The following PLPP4 variants were observed in gnomAD, a reference collection of about 807,000 sequenced individuals.
The protein encoded by PLPP4 is phospholipid phosphatase 4.
A neutral mutation model predicts 32.2 loss-of-function variants in PLPP4; 20 were observed. That is an observed-to-expected ratio of 0.62 (90% CI 0.44 to 0.90). The LOEUF is 0.90. Ranked by LOEUF, PLPP4 falls within the 40% of genes least tolerant of loss-of-function variation. The pLI is 0.00. For missense variants in PLPP4, 257 were observed against 353.1 expected, an observed-to-expected ratio of 0.73 and a Z score of 2.18; for synonymous variants, 127 against 133.0, an observed-to-expected ratio of 0.95 and a Z score of 0.31.
intron 1 of PLPP4, among the ~76,000 whole-genome samples, chr10:120,475,641 G>A (rs111794809): frequency 4.6e-5 from 7 of 152,322 alleles, no homozygotes; most frequent in African/African-American, 7.2e-5. Context: ...GAGTGAGCCC[G>A]GCCTTTGGGC....
chr10:120,514,752 G>T (rs1172317487), intron 3 of PLPP4, among the ~76,000 whole-genome samples: 4 of 152,098 alleles, frequency 2.6e-5, no homozygotes, highest in Non-Finnish European at 4.4e-5. Context: ...CCTGTAGCCA[G>T]GTTTTCAGCT....
At chr10:120,542,709 G>A (rs1192521092) in intron 5 of PLPP4, among the ~76,000 whole-genome samples, 2 of 152,184 alleles carry the variant, frequency 1.3e-5, no homozygotes, top group Non-Finnish European at 2.9e-5. Context: ...TCTCAATTCC[G>A]CAGGCGCTGC....
At chr10:120,582,511 AT>A (rs1401033493) in intron 6 of PLPP4, among the ~76,000 whole-genome samples, 1 of 152,066 alleles carries the variant, frequency 6.6e-6, no homozygotes, top group African/African-American at 2.4e-5. Flanking sequence ...GTAAAACCCT[AT>A]TTCTAAATAA....
chr10:120,545,695 A>G (rs61871731), intron 5 of PLPP4, among the ~76,000 whole-genome samples: 31,092 of 152,166 alleles, frequency 0.2, 3,200 homozygotes, highest in Admixed American at 0.23. Context: ...AAGGTTGGAT[A>G]GGGGTTTGGC....
chr10:120,583,108 G>A (rs1477723653), intron 6 of PLPP4, among the ~76,000 whole-genome samples: 1 of 151,946 alleles, frequency 6.6e-6, no homozygotes, highest in Non-Finnish European at 1.5e-5. Flanking sequence ...GGGTCATGGA[G>A]CCCAAGGCAT....
chr10:120,530,916 C>T (rs1322369579), intron 5 of PLPP4, among the ~76,000 whole-genome samples: 3 of 152,036 alleles, frequency 2.0e-5, no homozygotes, highest in South Asian at 2.1e-4. Context: ...TTGCTGTGCA[C>T]CTTGTCATTT....
At chr10:120,531,695 T>C (rs1846730678) in intron 5 of PLPP4, among the ~76,000 whole-genome samples, 1 of 152,196 alleles carries the variant, frequency 6.6e-6, no homozygotes, top group African/African-American at 2.4e-5. Flanking sequence ...TTCCTTTCAC[T>C]ATCAAATTAC....
chr10:120,475,859 C>T (rs1843877108), intron 1 of PLPP4, among the ~76,000 whole-genome samples: 1 of 151,904 alleles, frequency 6.6e-6, no homozygotes, highest in Admixed American at 6.6e-5. Flanking sequence ...GATGGTAACA[C>T]TCACCTTCTT....
chr10:120,561,255 C>G (rs1848419617), intron 5 of PLPP4, among the ~76,000 whole-genome samples: 1 of 152,206 alleles, frequency 6.6e-6, no homozygotes, highest in African/African-American at 2.4e-5. Flanking sequence ...AATCCCAAGA[C>G]TGTATTATCT....
intron 6 of PLPP4, 57 bp downstream of exon 6, chr10:120,575,358 G>A: frequency 6.4e-7 from 1 of 1,557,866 alleles, no homozygotes; most frequent in Non-Finnish European, 8.8e-7. Flanking sequence ...TCTCCTCCAG[G>A]GATGGGTGTA....
intron 1 of PLPP4, among the ~76,000 whole-genome samples, chr10:120,482,687 G>A (rs553893754): frequency 9.2e-5 from 14 of 152,064 alleles, no homozygotes; most frequent in Admixed American, 2.0e-4. Context: ...GGCAGATCAC[G>A]AGGTCAGGAG....
chr10:120,537,218 T>C (rs1847072893), intron 5 of PLPP4, among the ~76,000 whole-genome samples: 1 of 152,208 alleles, frequency 6.6e-6, no homozygotes, highest in Non-Finnish European at 1.5e-5. Flanking sequence ...GAAATCAGTA[T>C]GTCAAAGAGA....
At chr10:120,575,689 G>A (rs1260568718) in intron 6 of PLPP4, among the ~76,000 whole-genome samples, 1 of 152,106 alleles carries the variant, frequency 6.6e-6, no homozygotes, top group East Asian at 1.9e-4. Context: ...CAGCCTACAA[G>A]GACGTATTTG....
In PLPP4 at chr10:120,520,952, T is replaced by C. The variant is rs747958976; in HGVS notation, c.321-19T>C. The C allele has an allele frequency of 5.6e-5, 90 of 1,613,856 alleles. No homozygotes were observed. The highest frequency in any genetic ancestry group is 7.5e-5 in the Non-Finnish European group (88 of 1,179,966). Reference sequence around the variant, plus strand: ...ATGGCAGCATTTTATATTGAAAATGTCCATGGTGTCTTTTGTAGACCTCGC... The same window carrying C: ...ATGGCAGCATTTTATATTGAAAATGCCCATGGTGTCTTTTGTAGACCTCGC... On this transcript the variant is annotated intron_variant, in intron 4 of 6. Transcript: ENST00000398250.
At chr10:120,575,779 G>A (rs902173933) in intron 6 of PLPP4, among the ~76,000 whole-genome samples, 13 of 152,212 alleles carry the variant, frequency 8.5e-5, no homozygotes. Context: ...CTGCAAGCCT[G>A]GGGTGAGGTT....
At position 120,483,972 on chromosome 10, in the gene PLPP4, G is replaced by A. The variant is rs138285705; in HGVS notation, c.57-19846G>A. 2.4e-3 allele frequency among the ~76,000 whole-genome samples: 370 copies of A among 152,248 alleles called. 2 individuals carry two copies. The highest frequency in any genetic ancestry group is 4.6e-3 in the Non-Finnish European group (316 of 68,008). On this transcript the variant is annotated intron_variant, in intron 1 of 6. Coordinates refer to ENST00000398250, the MANE Select transcript of PLPP4 (RefSeq NM_001030059.3). Reference sequence around the variant, plus strand: ...ACCCAGTCTCAGGTATTTCTCTATAGCAACACAAAATGGACTAAGACAGAG... The same window carrying A: ...ACCCAGTCTCAGGTATTTCTCTATAACAACACAAAATGGACTAAGACAGAG...
intron 1 of PLPP4, among the ~76,000 whole-genome samples, chr10:120,464,639 C>T (rs1848231011): frequency 6.6e-6 from 1 of 152,194 alleles, no homozygotes; most frequent in Non-Finnish European, 1.5e-5. Context: ...CCCTTTGCAA[C>T]AGTGGTTCCA....
intron 5 of PLPP4, among the ~76,000 whole-genome samples, chr10:120,550,329 G>C (rs969205241): frequency 6.6e-6 from 1 of 151,902 alleles, no homozygotes; most frequent in Non-Finnish European, 1.5e-5. Flanking sequence ...ATATTCATGA[G>C]TTGAATTATC....
chr10:120,506,249 C>T (rs1316358804), intron 2 of PLPP4, among the ~76,000 whole-genome samples: 2 of 152,136 alleles, frequency 1.3e-5, no homozygotes, highest in African/African-American at 4.8e-5. Flanking sequence ...TTTGGTCACA[C>T]GATTTAGTAC....
Sources: allele counts gnomAD v4.1 joint callset (sites outside exome capture counted in the v4.1 genomes callset), GRCh38; gene constraint gnomAD v4.1.1; transcripts MANE v1.5; gene names NCBI Gene and HGNC (gene_info 2026-07-23, HGNC 2026-07-21).